Variants in KIAA0825 observed in about 807,000 individuals in gnomAD.
KIAA0825 encodes the protein KIAA0825.
A neutral mutation model predicts 147.6 loss-of-function variants in KIAA0825; 119 were observed. The observed-to-expected ratio is 0.81, with a 90% confidence interval of 0.69 to 0.94. KIAA0825 has a LOEUF of 0.94. Among genes scored for constraint, KIAA0825 ranks in the 40% least tolerant of loss-of-function variants. The pLI is 0.00. For missense variants in KIAA0825, 1,381 were observed against 1,472.7 expected (o/e 0.94, Z 1.02); for synonymous variants, 470 against 518.1 (o/e 0.91, Z 1.26).
intron 6 of KIAA0825, among the ~76,000 whole-genome samples, chr5:94,479,035 G>A (rs1762206021): frequency 6.6e-6 from 1 of 152,066 alleles, no homozygotes. Context: ...TTCCTCTACT[G>A]TTAACATCTT....
At chr5:94,406,191 C>T (rs1299337350) in intron 15 of KIAA0825, among the ~76,000 whole-genome samples, 1 of 152,144 alleles carries the variant, frequency 6.6e-6, no homozygotes, top group Non-Finnish European at 1.5e-5. Flanking sequence ...TCCCAAAGTG[C>T]TGGGATTACA....
chr5:94,547,818 C>G (rs1241099312), intron 2 of KIAA0825, among the ~76,000 whole-genome samples: 1 of 150,638 alleles, frequency 6.6e-6, no homozygotes, highest in Non-Finnish European at 1.5e-5. Flanking sequence ...TGGCAGCAGA[C>G]TTTGAAACCT....
intron 2 of KIAA0825, among the ~76,000 whole-genome samples, chr5:94,567,000 TG>T: frequency 6.6e-6 from 1 of 152,208 alleles, no homozygotes; most frequent in East Asian, 1.9e-4. Context: ...ATTTAAGTGC[TG>T]CAAAACCATA....
chr5:94,367,520 A>T (rs1057093013), intron 20 of KIAA0825, among the ~76,000 whole-genome samples: 1 of 152,094 alleles, frequency 6.6e-6, no homozygotes, highest in South Asian at 2.1e-4. Flanking sequence ...AGAAATAGGG[A>T]TAAGAAAAAG....
At chr5:94,452,933 A>G (rs17326194) in intron 13 of KIAA0825, 26 bp downstream of exon 13, 117,704 of 1,134,742 alleles carry the variant, frequency 0.1, 6,880 homozygotes, top group African/African-American at 0.14. Context: ...AGAATTATAG[A>G]TAGTATGGCA....
At chr5:94,608,437 G>A (rs187166989) in intron 1 of KIAA0825, among the ~76,000 whole-genome samples, 2 of 11,082 alleles carry the variant, frequency 1.8e-4, no homozygotes, top group African/African-American at 4.5e-4. Context: ...AATTTTGTGT[G>A]TGTATGTGTG....
intron 20 of KIAA0825, among the ~76,000 whole-genome samples, chr5:94,184,559 G>A (rs1156282645): frequency 6.6e-6 from 1 of 152,064 alleles, no homozygotes; most frequent in African/African-American, 2.4e-5. Context: ...CTAAAAAGAA[G>A]GCATAGACTC....
chr5:94,542,128 C>A (rs1056789692), intron 2 of KIAA0825, among the ~76,000 whole-genome samples: 2 of 152,172 alleles, frequency 1.3e-5, no homozygotes, highest in Non-Finnish European at 2.9e-5. Context: ...ACAACTCTAG[C>A]AGATGTTCTT....
chr5:94,558,342 G>A (rs1451055049), intron 2 of KIAA0825, among the ~76,000 whole-genome samples: 1 of 152,192 alleles, frequency 6.6e-6, no homozygotes, highest in African/African-American at 2.4e-5. Context: ...TGGAGGCAGG[G>A]ATAAGACATC....
At chr5:94,351,644 C>G (rs1215315952) in intron 20 of KIAA0825, among the ~76,000 whole-genome samples, 1 of 152,012 alleles carries the variant, frequency 6.6e-6, no homozygotes, top group Non-Finnish European at 1.5e-5. Flanking sequence ...CAAAACTAAC[C>G]AAAAAGAACT....
intron 20 of KIAA0825, among the ~76,000 whole-genome samples, chr5:94,260,803 G>T (rs906278290): frequency 1.3e-5 from 2 of 152,108 alleles, no homozygotes; most frequent in African/African-American, 4.8e-5. Flanking sequence ...AAAGTAACAG[G>T]AGTTGCAAGT....
intron 1 of KIAA0825, among the ~76,000 whole-genome samples, chr5:94,596,084 T>A (rs1785258467): frequency 6.6e-6 from 1 of 152,216 alleles, no homozygotes; most frequent in Non-Finnish European, 1.5e-5. Context: ...GTGCAGAAGC[T>A]CTTAAGTTTA....
intron 20 of KIAA0825, among the ~76,000 whole-genome samples, chr5:94,306,963 T>C (rs1778783711): frequency 6.6e-6 from 1 of 151,818 alleles, no homozygotes; most frequent in Non-Finnish European, 1.5e-5. Context: ...ACATGATGCG[T>C]AGGGCTTAGG....
chr5:94,209,752 T>C (rs769735662), intron 20 of KIAA0825, among the ~76,000 whole-genome samples: 4 of 152,170 alleles, frequency 2.6e-5, no homozygotes, highest in East Asian at 1.9e-4. Flanking sequence ...TTCATCCTTT[T>C]GGTGTTTCTT....
In KIAA0825 at chr5:94,524,048, G is replaced by A; in HGVS notation, c.182C>T (p.Pro61Leu). The A allele has an allele frequency of 6.2e-7, 1 of 1,609,290 alleles. No individual in the cohort carries two copies. The highest frequency in any genetic ancestry group is 8.5e-7 in the Non-Finnish European group (1 of 1,176,964). The change falls in exon 4 of 21, where the codon CCA becomes CTA. Residue 61 changes from proline (P) to leucine (L), a missense_variant. Physicochemically the swap from Pro to Leu is moderately conservative, Grantham distance 98. Coordinates refer to ENST00000682413, the MANE Select transcript of KIAA0825 (RefSeq NM_001145678.3). ...AGTTGTTGTTTGCAGCTGCACACCT[G>A]GACATTGTTTGTTAATTTCGGACTG... ...EIQSEINKQCPGVQLQTTTDC... is the reference protein window; with the variant it reads ...EIQSEINKQCLGVQLQTTTDC...
chr5:94,274,493 C>T (rs1368645286), intron 20 of KIAA0825, among the ~76,000 whole-genome samples: 1 of 152,074 alleles, frequency 6.6e-6, no homozygotes, highest in Non-Finnish European at 1.5e-5. Flanking sequence ...GAGCTAATTA[C>T]TGAGTCACTA....
At chr5:94,566,333 C>G (rs1232292982) in intron 2 of KIAA0825, among the ~76,000 whole-genome samples, 1 of 152,046 alleles carries the variant, frequency 6.6e-6, no homozygotes, top group Non-Finnish European at 1.5e-5. Flanking sequence ...CAAATCAGGA[C>G]TTTTTTGAGA....
intron 20 of KIAA0825, among the ~76,000 whole-genome samples, chr5:94,241,183 T>C (rs138010829): frequency 6.6e-6 from 1 of 152,294 alleles, no homozygotes; most frequent in African/African-American, 2.4e-5. Context: ...CTGTTCAAAG[T>C]ACATATTTCC....
chr5:94,515,576 G>A (rs1480648107), intron 5 of KIAA0825, among the ~76,000 whole-genome samples: 1 of 152,138 alleles, frequency 6.6e-6, no homozygotes, highest in Non-Finnish European at 1.5e-5. Context: ...TGGATCACCT[G>A]AGGTAAGGAG....
Sources: allele counts gnomAD v4.1 joint callset (sites outside exome capture counted in the v4.1 genomes callset), GRCh38; gene constraint gnomAD v4.1.1; transcripts MANE v1.5; gene names NCBI Gene and HGNC (gene_info 2026-07-23, HGNC 2026-07-21).